The following FAT3 variants were observed in gnomAD, a reference collection of about 807,000 sequenced individuals.
FAT3 encodes the protein protocadherin Fat 3.
In FAT3, 95 loss-of-function variants were observed where a neutral mutation model predicts 310.2. The ratio of observed to expected loss-of-function variants is 0.31; its 90% CI spans 0.26 to 0.36. The LOEUF (loss-of-function observed/expected upper bound fraction) is 0.36. FAT3 is among the 10% of genes least tolerant of loss of function. The pLI is 1.00. For missense variants in FAT3, 5,408 were observed against 5,715.6 expected (o/e 0.95, Z 1.74); for synonymous variants, 2,314 against 2,192.9 (o/e 1.06, Z -1.54).
intron 3 of FAT3, among the ~76,000 whole-genome samples, chr11:92,632,136 G>T (rs1215027854): frequency 6.6e-6 from 1 of 152,170 alleles, no homozygotes; most frequent in Non-Finnish European, 1.5e-5. Context: ...CCTTCTAAAA[G>T]ATCATCAACA....
At chr11:92,293,066 AAGG>A (rs1946736364) in intron 1 of FAT3, among the ~76,000 whole-genome samples, 1 of 143,910 alleles carries the variant, frequency 6.9e-6, no homozygotes, top group East Asian at 2.2e-4. Flanking sequence ...GGAAGGAAGG[AAGG>A]AAGGAAGGAA....
chr11:92,443,404 A>G (rs907950270), intron 2 of FAT3, among the ~76,000 whole-genome samples: 1 of 152,214 alleles, frequency 6.6e-6, no homozygotes, highest in African/African-American at 2.4e-5. Flanking sequence ...AACTTAACAC[A>G]GCTCAATTTT....
At chr11:92,746,759 G>A (rs1008771840) in intron 4 of FAT3, among the ~76,000 whole-genome samples, 1 of 152,232 alleles carries the variant, frequency 6.6e-6, no homozygotes, top group Non-Finnish European at 1.5e-5. Context: ...CCAAATGGGA[G>A]AAATTGGCCA....
intron 3 of FAT3, among the ~76,000 whole-genome samples, chr11:92,602,154 A>G (rs1179572884): frequency 2.6e-5 from 4 of 151,828 alleles, no homozygotes; most frequent in African/African-American, 9.7e-5. Context: ...GCTCACTGCA[A>G]CCTCCGCCTC....
At chr11:92,616,216 C>G (rs1055540003) in intron 3 of FAT3, among the ~76,000 whole-genome samples, 1 of 152,160 alleles carries the variant, frequency 6.6e-6, no homozygotes, top group African/African-American at 2.4e-5. Context: ...GAATTGATCC[C>G]TTTACCATTA....
chr11:92,235,972 A>T (rs1185355905), intron 1 of FAT3, among the ~76,000 whole-genome samples: 1 of 152,240 alleles, frequency 6.6e-6, no homozygotes, highest in Non-Finnish European at 1.5e-5. Flanking sequence ...AAGGTAAAAT[A>T]GACTGGGAGG....
intron 1 of FAT3, among the ~76,000 whole-genome samples, chr11:92,321,536 A>G (rs1947619737): frequency 6.6e-6 from 1 of 152,208 alleles, no homozygotes; most frequent in Non-Finnish European, 1.5e-5. Context: ...AGATGATCTA[A>G]TTAGACAAAA....
intron 3 of FAT3, among the ~76,000 whole-genome samples, chr11:92,668,345 C>A (rs1565499097): frequency 1.3e-5 from 2 of 152,160 alleles, no homozygotes; most frequent in South Asian, 2.1e-4. Context: ...ATAGAAGACA[C>A]AAAGAAGAAT....
intron 22 of FAT3, among the ~76,000 whole-genome samples, chr11:92,867,436 A>G (rs1040941251): frequency 6.6e-6 from 1 of 152,170 alleles, no homozygotes; most frequent in Non-Finnish European, 1.5e-5. Context: ...GGTGCAGTGC[A>G]GTGGCACAGG....
chr11:92,248,949 C>T (rs183938732), intron 1 of FAT3, among the ~76,000 whole-genome samples: 6 of 152,036 alleles, frequency 3.9e-5, no homozygotes, highest in African/African-American at 9.6e-5. Flanking sequence ...GATTGAGGTT[C>T]GGAGAAAGTG....
At chr11:92,480,949 G>A (rs761801035) in intron 2 of FAT3, among the ~76,000 whole-genome samples, 1 of 152,182 alleles carries the variant, frequency 6.6e-6, no homozygotes, top group Admixed American at 6.5e-5. Flanking sequence ...AACTACTAAT[G>A]TTATGTCCAG....
intron 1 of FAT3, among the ~76,000 whole-genome samples, chr11:92,241,214 T>C (rs1291494736): frequency 1.3e-5 from 2 of 152,100 alleles, no homozygotes; most frequent in East Asian, 1.9e-4. Context: ...AGCTTTGGAC[T>C]TTCTATCTGA....
intron 4 of FAT3, among the ~76,000 whole-genome samples, chr11:92,740,797 C>T (rs1473985730): frequency 6.6e-6 from 1 of 152,112 alleles, no homozygotes; most frequent in East Asian, 1.9e-4. Flanking sequence ...TATTTAAACA[C>T]TCTTTACTAC....
Position 92,800,574 on chromosome 11 carries a change from A to G in FAT3, c.7561A>G (p.Thr2521Ala). The change falls in exon 10 of 28, where the codon ACA (threonine) becomes GCA (alanine). Residue 2521 changes from threonine to alanine, a missense_variant. Physicochemically the swap from Thr to Ala is moderately conservative, Grantham distance 58 (BLOSUM62 0). This residue lies in a region of FAT3 where 4,588 missense variants were observed against 4,809.8 expected (regional missense o/e 0.95). Coordinates refer to ENST00000525166, the MANE Select transcript of FAT3 (RefSeq NM_001367949.2). The part of the protein sequence containing the change: ...AGTKVIHVRA[T>A]DGDPGTYGQI... ...AACAAAGGTAATTCATGTTCGAGCC[A>G]CAGATGGTGATCCAGGGACTTATGG... is the stretch of plus-strand genomic sequence containing the variant. 1 of 1,613,828 alleles carries G rather than the reference A, an allele frequency of 6.2e-7. No homozygotes were observed. The highest frequency in any genetic ancestry group is 8.5e-7 in the Non-Finnish European group (1 of 1,179,830).
chr11:92,875,524 C>A (rs4291638), intron 22 of FAT3, among the ~76,000 whole-genome samples: 2 of 150,900 alleles, frequency 1.3e-5, no homozygotes, highest in South Asian at 2.1e-4. Flanking sequence ...TTTGTATCCC[C>A]AGTGCTTGCC....
intron 2 of FAT3, among the ~76,000 whole-genome samples, chr11:92,523,939 G>A (rs1020338477): frequency 5.3e-5 from 8 of 152,140 alleles, no homozygotes; most frequent in Non-Finnish European, 1.0e-4. Context: ...TTGTCCATGA[G>A]CATCTCTCAA....
intron 13 of FAT3, among the ~76,000 whole-genome samples, chr11:92,811,771 T>A (rs912495699): frequency 6.6e-6 from 1 of 152,310 alleles, no homozygotes; most frequent in South Asian, 2.1e-4. Flanking sequence ...ATAGGGGTGC[T>A]GCTGGCATCT....
At position 92,890,863 on chromosome 11, in the gene FAT3, G is replaced by A. The variant is rs747321812; in HGVS notation, c.13520G>A (p.Gly4507Asp). The A allele has an allele frequency of 6.2e-6, 10 of 1,613,826 alleles. No homozygotes were observed. The highest frequency in any genetic ancestry group is 1.3e-5 in the African/African-American group (1 of 74,910). The change falls in exon 28 of 28, where the codon GGC becomes GAC. Residue 4507 changes from glycine (G) to aspartate (D), a missense_variant. Transcript: ENST00000525166. ...HPFPNETDLV[G>D]PPASCEFSTF... ...TTCCCCAACGAAACGGATTTGGTGGGCCCGCCTGCCAGCTGTGAATTTAGT... is the reference window on the plus strand; with the variant it reads ...TTCCCCAACGAAACGGATTTGGTGGACCCGCCTGCCAGCTGTGAATTTAGT...
At chr11:92,233,132 G>T (rs1864259146) in intron 1 of FAT3, among the ~76,000 whole-genome samples, 1 of 152,146 alleles carries the variant, frequency 6.6e-6, no homozygotes, top group Non-Finnish European at 1.5e-5. Context: ...GAGAGAACTT[G>T]GGAATGTTGA....
Sources: allele counts gnomAD v4.1 joint callset (sites outside exome capture counted in the v4.1 genomes callset), GRCh38; gene constraint gnomAD v4.1.1; regional missense constraint gnomAD v4.1.1; transcripts MANE v1.5; gene names NCBI Gene and HGNC (gene_info 2026-07-23, HGNC 2026-07-21).